KCNJ6: variants seen among roughly 807,000 people sequenced by gnomAD.
KCNJ6 encodes the protein G protein-activated inward rectifier potassium channel 2.
KCNJ6 carries 9 observed loss-of-function variants against 34.2 expected under a neutral mutation model. The observed-to-expected ratio is 0.26, with a 90% CI of 0.16 to 0.46. The LOEUF (loss-of-function observed/expected upper bound fraction) is 0.46. KCNJ6 is among the 20% of genes least tolerant of loss of function. The pLI is 1.00. For missense variants in KCNJ6, 236 were observed against 531.3 expected (o/e 0.44, Z 5.46); for synonymous variants, 196 against 207.1 (o/e 0.95, Z 0.46).
At chr21:37,648,573 C>T (rs547099395) in intron 3 of KCNJ6, among the ~76,000 whole-genome samples, 80 of 152,232 alleles carry the variant, frequency 5.3e-4, no homozygotes, top group Middle Eastern at 3.4e-3. Flanking sequence ...TCACTTGTAA[C>T]CAAATTGCCA....
chr21:37,628,899 C>T (rs1358901166), intron 3 of KCNJ6, among the ~76,000 whole-genome samples: 2 of 152,166 alleles, frequency 1.3e-5, no homozygotes, highest in East Asian at 1.9e-4. Context: ...ATTAAAAGCA[C>T]TGAAAGAAAA....
In KCNJ6 at chr21:37,866,584, G is replaced by A. The variant is rs760219209; in HGVS notation, c.-27-25875C>T. On this transcript the variant is annotated intron_variant, in intron 1 of 3. Coordinates refer to ENST00000609713, the MANE Select transcript of KCNJ6 (RefSeq NM_002240.5). ...GGGTTGCATTCAAATGGAATGACCAGCTGGACATTGGTCCCTGCCTACTGG... is the reference window on the plus strand; with the variant it reads ...GGGTTGCATTCAAATGGAATGACCAACTGGACATTGGTCCCTGCCTACTGG... 2.0e-5 allele frequency among the ~76,000 whole-genome samples: 3 copies of A among 152,240 alleles called. No individual in the cohort carries two copies. The South Asian group carries it at 6.2e-4, about 31-fold the overall frequency.
intron 2 of KCNJ6, among the ~76,000 whole-genome samples, chr21:37,748,203 A>G (rs2054977500): frequency 6.6e-6 from 1 of 152,222 alleles, no homozygotes; most frequent in Non-Finnish European, 1.5e-5. Flanking sequence ...CCTGGACAGC[A>G]GGTGCTCAGA....
intron 2 of KCNJ6, among the ~76,000 whole-genome samples, chr21:37,722,270 A>G (rs1227063920): frequency 6.6e-6 from 1 of 152,240 alleles, no homozygotes; most frequent in Non-Finnish European, 1.5e-5. Context: ...AAGAACTACA[A>G]AACACTGTGG....
At chr21:37,720,707 T>C (rs1052495927) in intron 2 of KCNJ6, among the ~76,000 whole-genome samples, 10 of 150,244 alleles carry the variant, frequency 6.7e-5, no homozygotes, top group African/African-American at 1.2e-4. Flanking sequence ...CTTTTCTTTT[T>C]TTTTTTTTTT....
chr21:37,779,501 A>G (rs1255435800), intron 2 of KCNJ6, among the ~76,000 whole-genome samples: 3 of 152,212 alleles, frequency 2.0e-5, no homozygotes, highest in African/African-American at 7.2e-5. Flanking sequence ...GCATCCATCC[A>G]TAGACCCCAT....
chr21:37,692,219 C>A (rs1225642283), intron 3 of KCNJ6, among the ~76,000 whole-genome samples: 1 of 152,066 alleles, frequency 6.6e-6, no homozygotes, highest in Non-Finnish European at 1.5e-5. Flanking sequence ...AAAACAAAAA[C>A]CAAAAAATCC....
At chr21:37,891,229 G>A (rs1175042188) in intron 1 of KCNJ6, among the ~76,000 whole-genome samples, 1 of 151,288 alleles carries the variant, frequency 6.6e-6, no homozygotes, top group Non-Finnish European at 1.5e-5. Context: ...GCAAAGGCAG[G>A]TTAGGGGAAC....
intron 1 of KCNJ6, among the ~76,000 whole-genome samples, chr21:37,898,721 T>A: frequency 6.6e-6 from 1 of 152,210 alleles, no homozygotes; most frequent in East Asian, 1.9e-4. Flanking sequence ...TCCTGGGCAA[T>A]AAGACATCTT....
rs578237665 is a variant in KCNJ6, at chr21:37,635,069, G to T, written c.947-9585C>A. On this transcript the variant is annotated intron_variant, in intron 3 of 3. Coordinates refer to ENST00000609713, the MANE Select transcript of KCNJ6 (RefSeq NM_002240.5). ...CCATGCACAGCCAAATCACTTTGTG[G>T]TTTTTTTTAAAGAAAGCAAGGGAAT... Among the ~76,000 whole-genome samples, 21 of 151,862 alleles carry T rather than the reference G, an allele frequency of 1.4e-4. No homozygotes were observed. The South Asian group carries it at 3.5e-3, about 26-fold the overall frequency.
intron 2 of KCNJ6, among the ~76,000 whole-genome samples, chr21:37,718,173 T>C (rs2054804167): frequency 6.6e-6 from 1 of 152,210 alleles, no homozygotes; most frequent in Non-Finnish European, 1.5e-5. Flanking sequence ...AAACAGTGGA[T>C]GTGTCCCCTC....
intron 2 of KCNJ6, among the ~76,000 whole-genome samples, chr21:37,817,886 A>G (rs546357632): frequency 6.6e-6 from 1 of 152,276 alleles, no homozygotes; most frequent in African/African-American, 2.4e-5. Context: ...TTTTTGTATC[A>G]TTATAATTGT....
At chr21:37,685,706 A>AAAAAAAAAAAAAAAG (rs78443969) in intron 3 of KCNJ6, among the ~76,000 whole-genome samples, 2 of 51,010 alleles carry the variant, frequency 3.9e-5, no homozygotes, top group African/African-American at 1.1e-4. Flanking sequence ...AAAAAAAAAA[A>AAAAAAAAAAAAAAAG]AATCTATCCT....
chr21:37,699,212 C>A (rs963313868), intron 3 of KCNJ6, among the ~76,000 whole-genome samples: 1 of 152,174 alleles, frequency 6.6e-6, no homozygotes, highest in Non-Finnish European at 1.5e-5. Flanking sequence ...TCCGTAAGGG[C>A]AGGACTTTGT....
chr21:37,846,912 C>A (rs201666630), intron 1 of KCNJ6, among the ~76,000 whole-genome samples: 1 of 152,232 alleles, frequency 6.6e-6, no homozygotes, highest in African/African-American at 2.4e-5. Context: ...TGACACGGTG[C>A]CATGGCAGGT....
intron 3 of KCNJ6, among the ~76,000 whole-genome samples, chr21:37,691,907 A>G (rs949707246): frequency 2.6e-5 from 4 of 152,140 alleles, no homozygotes; most frequent in African/African-American, 9.7e-5. Context: ...TGGATCAAAC[A>G]TATTTTTTGA....
At chr21:37,771,797 T>C (rs2055118976) in intron 2 of KCNJ6, among the ~76,000 whole-genome samples, 3 of 152,230 alleles carry the variant, frequency 2.0e-5, no homozygotes, top group South Asian at 4.1e-4. Flanking sequence ...GTATGCTTTT[T>C]TCGGGGGGAA....
chr21:37,846,261 ACTTCT>A (rs2055506794), intron 1 of KCNJ6, among the ~76,000 whole-genome samples: 1 of 152,054 alleles, frequency 6.6e-6, no homozygotes, highest in South Asian at 2.1e-4. Context: ...CCAGCTACAT[ACTTCT>A]CTTTGAGTGT....
intron 3 of KCNJ6, among the ~76,000 whole-genome samples, chr21:37,684,545 C>T (rs2054604832): frequency 6.6e-6 from 1 of 152,182 alleles, no homozygotes; most frequent in Non-Finnish European, 1.5e-5. Flanking sequence ...GTTATGTTAG[C>T]ATAGGAAGGT....
Sources: gnomAD v4.1 joint callset for allele counts (sites outside exome capture counted in the v4.1 genomes callset) on GRCh38, gnomAD v4.1.1 for gene constraint, MANE v1.5 for transcripts, NCBI Gene and HGNC (gene_info 2026-07-23, HGNC 2026-07-21) for gene names.